The following TERB2 variants were observed in gnomAD, a reference collection of about 807,000 sequenced individuals.
TERB2 encodes the protein telomere repeats-binding bouquet formation protein 2.
TERB2 carries 26 observed loss-of-function variants against 29.8 expected under a neutral mutation model. That is an observed-to-expected ratio of 0.87 (90% CI 0.64 to 1.21). TERB2 has a LOEUF of 1.21. Among genes scored for constraint, TERB2 ranks in the 50% most tolerant of loss-of-function variants. The pLI, the probability that TERB2 is intolerant of heterozygous loss-of-function variation, is 0.00. For missense variants in TERB2, 240 were observed against 268.6 expected, an observed-to-expected ratio of 0.89 and a Z score of 0.74; for synonymous variants, 80 against 90.8, an observed-to-expected ratio of 0.88 and a Z score of 0.68.
At chr15:44,963,681 A>G (rs1891839840) in intron 4 of TERB2, among the ~76,000 whole-genome samples, 1 of 151,994 alleles carries the variant, frequency 6.6e-6, no homozygotes, top group Admixed American at 6.5e-5. Context: ...TGGAAATGTC[A>G]TATCTGCAAA....
chr15:44,973,868 C>A lies in TERB2; in HGVS notation c.436C>A (p.Pro146Thr), dbSNP rs1265040421. The A allele has an allele frequency of 1.3e-6, 2 of 1,584,366 alleles. No homozygotes were observed. Among genetic ancestry groups the A allele is most frequent in the Non-Finnish European group, 8.6e-7 (1 of 1,163,514 alleles). ...CTTTCTGTATGCTTTATTTTACAGC[C>A]CAGAAAAGCATTTTATAAGAACTCC... ...TEHKKELSKS[P>T]EKHFIRTPVV... Residue 146 changes from proline to threonine, a missense_variant and splice_region_variant, in exon 6 of 7, where the codon CCA (proline) becomes ACA (threonine). Coordinates refer to ENST00000340827, the MANE Select transcript of TERB2 (RefSeq NM_152448.3).
At chr15:44,965,428 C>CTTTATAAATATATAAATATATA (rs1891870926) in intron 4 of TERB2, among the ~76,000 whole-genome samples, 1 of 133,782 alleles carries the variant, frequency 7.5e-6, no homozygotes, top group Non-Finnish European at 1.6e-5. Context: ...TATTTTATAC[C>CTTTATAAATATATAAATATATA]TTTATAAATA....
intron 5 of TERB2, among the ~76,000 whole-genome samples, chr15:44,966,731 T>C (rs1393957498): frequency 5.9e-5 from 9 of 152,224 alleles, no homozygotes; most frequent in African/African-American, 1.9e-4. Context: ...ATATTAGCAG[T>C]AATTTTATTA....
At position 44,978,619 on chromosome 15, in the gene TERB2, G is replaced by C. The variant is rs1340153089; in HGVS notation, c.654G>C (p.Lys218Asn). ...TGTCTGCTATAAAAAACAAATTGAA[G>C]AGGAAATAGTAAATTAAATTGTAAA... Reference protein sequence around the residue: ...INMSAIKNKLKRK With the variant: ...INMSAIKNKLNRK The change falls in exon 7 of 7, where the codon AAG (lysine) becomes AAC (asparagine). Residue 218 changes from lysine (K) to asparagine (N), a missense_variant. Transcript: ENST00000340827. 1 of 1,594,178 alleles carries C rather than the reference G, an allele frequency of 6.3e-7. No homozygotes were observed. Among genetic ancestry groups the C allele is most frequent in the Admixed American group, 1.8e-5 (1 of 56,950 alleles).
chr15:44,957,415 G>A (rs1308382269), intron 2 of TERB2, among the ~76,000 whole-genome samples: 1 of 152,022 alleles, frequency 6.6e-6, no homozygotes, highest in Admixed American at 6.6e-5. Context: ...TTCCAAGTGT[G>A]TGTTTCCAGC....
At chr15:44,975,069 A>C (rs1435822816) in intron 6 of TERB2, among the ~76,000 whole-genome samples, 1 of 152,238 alleles carries the variant, frequency 6.6e-6, no homozygotes, top group East Asian at 1.9e-4. Context: ...ACATAAAAAC[A>C]AATTTTTAAA....
At chr15:44,958,332 GT>G in intron 2 of TERB2, 40 bp from the exon 3 acceptor site, 1 of 1,558,874 alleles carries the variant, frequency 6.4e-7, no homozygotes, top group South Asian at 1.2e-5. Flanking sequence ...ATACATTCTT[GT>G]TTCTTTCATA....
At chr15:44,971,952 C>G (rs1233779138) in intron 5 of TERB2, among the ~76,000 whole-genome samples, 1 of 76,928 alleles carries the variant, frequency 1.3e-5, no homozygotes, top group African/African-American at 5.1e-5. Context: ...AGTAGAGTTT[C>G]TTTTGGGAGA....
At chr15:44,959,050 T>C (rs1891763724) in intron 3 of TERB2, among the ~76,000 whole-genome samples, 1 of 152,310 alleles carries the variant, frequency 6.6e-6, no homozygotes, top group Non-Finnish European at 1.5e-5. Context: ...AAATTATTTC[T>C]AAAAATAAGA....
At chr15:44,957,414 T>C (rs1298086705) in intron 2 of TERB2, among the ~76,000 whole-genome samples, 2 of 151,992 alleles carry the variant, frequency 1.3e-5, no homozygotes, top group African/African-American at 4.8e-5. Context: ...ATTCCAAGTG[T>C]GTGTTTCCAG....
At chr15:44,959,535 T>G (rs1277968550) in intron 3 of TERB2, among the ~76,000 whole-genome samples, 2 of 152,004 alleles carry the variant, frequency 1.3e-5, no homozygotes, top group Non-Finnish European at 2.9e-5. Context: ...ACCCGGCTAA[T>G]TTTTATATTT....
Position 44,978,553 on chromosome 15 carries a change from C to T in TERB2, c.588C>T (p.Thr196=). 1 of 1,609,536 alleles carries T rather than the reference C, an allele frequency of 6.2e-7. No individual in the cohort carries two copies. The highest frequency in any genetic ancestry group is 8.5e-7 in the Non-Finnish European group (1 of 1,177,542). The change falls in exon 7 of 7, where the codon ACC becomes ACT. Residue 196 remains threonine (T), a synonymous_variant. Transcript: ENST00000340827. ...AGCTACATGACTTCATTCCTGGAAC[C>T]TCAGGATATTTGGCATATCATGTTC... The part of the protein sequence containing the change: ...LGELHDFIPG[T]SGYLAYHVQN...
In TERB2 at chr15:44,979,161, T is replaced by G. The variant is rs1892089570; in HGVS notation, c.*533T>G. On this transcript the variant is annotated 3_prime_UTR_variant, in exon 7 of 7. Coordinates refer to ENST00000340827, the MANE Select transcript of TERB2 (RefSeq NM_152448.3). ...CTGGTTTGAAACATGGAGAAAAACA[T>G]TTTAATAATTCATATTTCATGTTGG... 2 of 152,222 alleles carry G rather than the reference T, an allele frequency of 1.3e-5. No homozygotes were observed. The highest frequency in any genetic ancestry group is 2.9e-5 in the Non-Finnish European group (2 of 68,052). The allele number at this position is 152,222 out of a possible 1,614,324, so 9.4% of individuals were successfully genotyped here. A position where few individuals can be genotyped will look rare whatever the true frequency, so the allele number is the denominator to read the frequency against.
chr15:44,971,727 G>A (rs1443916121), intron 5 of TERB2, among the ~76,000 whole-genome samples: 1 of 151,860 alleles, frequency 6.6e-6, no homozygotes, highest in East Asian at 1.9e-4. Flanking sequence ...CTGCACTCCA[G>A]CCTGGGTGAC....
Position 44,973,885 on chromosome 15 carries a change from A to G in TERB2, c.453A>G (p.Ile151Met). Residue 151 changes from isoleucine (I) to methionine (M), a missense_variant, in exon 6 of 7, where the codon ATA becomes ATG. Ile to Met is a conservative substitution (Grantham distance 10). Transcript: ENST00000340827. ...ELSKSPEKHF[I>M]RTPVVEKQMY... is the part of the protein sequence containing the mutation. ...TTTACAGCCCAGAAAAGCATTTTATAAGAACTCCAGTTGTAGAAAAGCAGA... is the reference window on the plus strand; with the variant it reads ...TTTACAGCCCAGAAAAGCATTTTATGAGAACTCCAGTTGTAGAAAAGCAGA... 1.9e-6 allele frequency: 3 copies of G among 1,595,816 alleles called. No homozygotes were observed. In the African/African-American group the frequency reaches 4.0e-5, roughly 21 times the overall value.
chr15:44,971,605 A>T (rs1891968841), intron 5 of TERB2, among the ~76,000 whole-genome samples: 1 of 151,976 alleles, frequency 6.6e-6, no homozygotes, highest in African/African-American at 2.4e-5. Context: ...AATACAAAAA[A>T]TTAGCCAGGT....
intron 6 of TERB2, among the ~76,000 whole-genome samples, chr15:44,975,661 G>A (rs1892035447): frequency 6.6e-6 from 1 of 151,868 alleles, no homozygotes; most frequent in Admixed American, 6.6e-5. Context: ...GTGCATTATA[G>A]CATATTTACC....
intron 5 of TERB2, among the ~76,000 whole-genome samples, chr15:44,972,237 C>T (rs1032034689): frequency 1.4e-4 from 21 of 151,818 alleles, no homozygotes; most frequent in Middle Eastern, 3.4e-3. Flanking sequence ...GTGATCCACC[C>T]GCCTCGGCCT....
intron 5 of TERB2, among the ~76,000 whole-genome samples, chr15:44,967,013 C>T (rs1424008016): frequency 4.6e-5 from 7 of 152,120 alleles, no homozygotes; most frequent in East Asian, 3.9e-4. Flanking sequence ...GTGGGAGGAT[C>T]GCTTGAGCCC....
Sources: allele counts gnomAD v4.1 joint callset (sites outside exome capture counted in the v4.1 genomes callset), GRCh38; gene constraint gnomAD v4.1.1; transcripts MANE v1.5; gene names NCBI Gene and HGNC (gene_info 2026-07-23, HGNC 2026-07-21).